The following GRM5 variants were observed in gnomAD, a reference collection of about 807,000 sequenced individuals.
The protein encoded by GRM5 is metabotropic glutamate receptor 5.
Under a neutral mutation model 83.1 loss-of-function variants are expected in GRM5, and 19 were observed. The ratio of observed to expected loss-of-function variants is 0.23; its 90% CI spans 0.16 to 0.34. The LOEUF (loss-of-function observed/expected upper bound fraction) is 0.34, where lower values mean the gene tolerates loss of function less well. Ranked by LOEUF, GRM5 falls within the 10% of genes least tolerant of loss-of-function variation. The pLI is 1.00. For missense variants in GRM5, 1,160 were observed against 1,588.3 expected (o/e 0.73, Z 4.58); for synonymous variants, 675 against 633.6 (o/e 1.07, Z -0.98).
rs1259619989 is a variant in GRM5 at position 89,060,283 on chromosome 11, T to TAC, written c.-201+5492_-201+5493insGT. ...GGTAAATGGTATATATATATATATATATACACACACACACACACACACATA... is the reference window on the plus strand; with the variant it reads ...GGTAAATGGTATATATATATATATATACATACACACACACACACACACACATA... On this transcript the variant is annotated intron_variant, in intron 1 of 9. Coordinates refer to ENST00000305447, the MANE Select transcript of GRM5 (RefSeq NM_001143831.3). 1.3e-3 allele frequency among the ~76,000 whole-genome samples: 180 copies of TAC among 142,982 alleles called. 1 individual carries two copies. Among genetic ancestry groups the TAC allele is most frequent in the African/African-American group, 3.8e-3 (141 of 37,032 alleles). 93.8% of individuals were successfully genotyped at this position (142,982 alleles called of 152,430 possible).
intron 4 of GRM5, among the ~76,000 whole-genome samples, chr11:88,640,980 G>C (rs187807676): frequency 2.7e-4 from 41 of 150,816 alleles, no homozygotes; most frequent in Non-Finnish European, 4.7e-4. Context: ...CTGTGTTGGG[G>C]GTTCTTGAAT....
chr11:88,992,432 G>T (rs529856103), intron 2 of GRM5, among the ~76,000 whole-genome samples: 60 of 152,070 alleles, frequency 3.9e-4, no homozygotes, highest in Non-Finnish European at 6.0e-4. Flanking sequence ...CTGTAAACTA[G>T]TTCAACCATT....
At chr11:88,874,173 T>TAA (rs58425219) in intron 2 of GRM5, among the ~76,000 whole-genome samples, 217 of 149,816 alleles carry the variant, frequency 1.4e-3, no homozygotes, top group East Asian at 3.5e-3. Context: ...TGAGATGATT[T>TAA]AAAAAAAAAG....
In GRM5 at chr11:88,827,701, T is replaced by A. The variant is rs140855514; in HGVS notation, c.911+22205A>T. ...AAAATCCTATCTGCTAAAATATGGA[T>A]TAAGGTTTCTTCAGCTTATTTATTT... is the stretch of plus-strand genomic sequence containing the variant. On this transcript the variant is annotated intron_variant, in intron 3 of 9. Coordinates refer to ENST00000305447, the MANE Select transcript of GRM5 (RefSeq NM_001143831.3). Among the ~76,000 whole-genome samples the A allele has an allele frequency of 3.6e-3, 551 of 152,328 alleles. 3 individuals carry two copies. Among genetic ancestry groups the A allele is most frequent in the African/African-American group, 0.013 (528 of 41,582 alleles).
At chr11:89,021,168 A>G (rs1361841726) in intron 2 of GRM5, among the ~76,000 whole-genome samples, 1 of 152,222 alleles carries the variant, frequency 6.6e-6, no homozygotes, top group Non-Finnish European at 1.5e-5. Flanking sequence ...GAAGGGATTC[A>G]GTGGATATTT....
chr11:88,997,211 C>T (rs2135061076), intron 2 of GRM5, among the ~76,000 whole-genome samples: 2 of 151,790 alleles, frequency 1.3e-5, no homozygotes, highest in Middle Eastern at 3.4e-3. Flanking sequence ...CCTGTAATCC[C>T]AGCTACTTGG....
intron 6 of GRM5, among the ~76,000 whole-genome samples, chr11:88,592,521 T>C (rs747718503): frequency 2.0e-5 from 3 of 152,150 alleles, no homozygotes; most frequent in African/African-American, 2.4e-5. Flanking sequence ...ATAAAAGCAG[T>C]TGCATTTCCC....
intron 2 of GRM5, among the ~76,000 whole-genome samples, chr11:89,035,983 C>G (rs1337718245): frequency 1.3e-5 from 2 of 151,992 alleles, no homozygotes; most frequent in African/African-American, 4.8e-5. Context: ...TTGAAATTTA[C>G]AAAGAAGTTA....
chr11:88,632,222 T>C lies in GRM5; in HGVS notation c.1147+20946A>G, dbSNP rs534981811. Among the ~76,000 whole-genome samples, 16 of 149,964 alleles carry C rather than the reference T, an allele frequency of 1.1e-4. No homozygotes were observed. The East Asian group carries it at 2.3e-3, about 22-fold the overall frequency. ...TTACTTTGCATTTTCTAAAGTTTCA[T>C]AGAGATTGAATCACACAGTATGTAC... On this transcript the variant is annotated intron_variant, in intron 4 of 9. Transcript: ENST00000305447.
At chr11:88,974,016 T>G (rs1476909837) in intron 2 of GRM5, among the ~76,000 whole-genome samples, 1 of 152,156 alleles carries the variant, frequency 6.6e-6, no homozygotes, top group Non-Finnish European at 1.5e-5. Flanking sequence ...TTCTACTATT[T>G]TATCCTCTCA....
chr11:88,631,646 A>G (rs576049083), intron 4 of GRM5, among the ~76,000 whole-genome samples: 10 of 152,302 alleles, frequency 6.6e-5, no homozygotes, highest in Admixed American at 5.9e-4. Flanking sequence ...TGAATTTAAC[A>G]TAAGTGATCA....
intron 2 of GRM5, among the ~76,000 whole-genome samples, chr11:88,930,434 T>C (rs545896509): frequency 1.3e-5 from 2 of 152,170 alleles, no homozygotes; most frequent in East Asian, 1.9e-4. Flanking sequence ...CATAAATAAG[T>C]AAGTAAATTA....
chr11:89,040,720 G>C (rs1941511180), intron 2 of GRM5, among the ~76,000 whole-genome samples: 1 of 151,532 alleles, frequency 6.6e-6, no homozygotes. Flanking sequence ...AAAAGAGAGA[G>C]AGAAAGGGAG....
intron 2 of GRM5, among the ~76,000 whole-genome samples, chr11:89,037,043 T>A (rs1321703890): frequency 6.6e-6 from 1 of 152,086 alleles, no homozygotes; most frequent in Non-Finnish European, 1.5e-5. Context: ...TTTATATATT[T>A]AAACTTGTGG....
At chr11:88,753,420 T>C (rs1591489932) in intron 3 of GRM5, among the ~76,000 whole-genome samples, 2 of 152,024 alleles carry the variant, frequency 1.3e-5, no homozygotes, top group Non-Finnish European at 2.9e-5. Flanking sequence ...CACCAGTCAG[T>C]ATGGTGATTA....
chr11:88,521,660 G>T (rs535358584), intron 9 of GRM5, among the ~76,000 whole-genome samples: 13 of 151,996 alleles, frequency 8.6e-5, no homozygotes, highest in African/African-American at 2.9e-4. Context: ...CACTTAGACT[G>T]TCCACTGTGA....
chr11:88,651,338 C>G (rs751138207), intron 4 of GRM5, among the ~76,000 whole-genome samples: 3 of 151,800 alleles, frequency 2.0e-5, no homozygotes, highest in Non-Finnish European at 4.4e-5. Context: ...GGAAAAATTC[C>G]CTTAAATATA....
At position 88,618,605 on chromosome 11, in the gene GRM5, C is replaced by CAAA. The variant is rs34947093; in HGVS notation, c.1148-13644_1148-13642dup. 3.6e-3 allele frequency among the ~76,000 whole-genome samples: 466 copies of CAAA among 129,584 alleles called. 3 individuals carry two copies. The highest frequency in any genetic ancestry group is 0.011 in the African/African-American group (414 of 37,324). 85.0% of individuals were successfully genotyped at this position (129,584 alleles called of 152,430 possible). On this transcript the variant is annotated intron_variant, in intron 4 of 9. Transcript: ENST00000305447. ...CATAAGTAAGATGAATCTGTGTCCT[C>CAAA]AAAAAAAAAAAAACGATTCAACATA...
At chr11:88,515,781 A>G (rs1164238942) in intron 9 of GRM5, among the ~76,000 whole-genome samples, 2 of 152,218 alleles carry the variant, frequency 1.3e-5, no homozygotes, top group East Asian at 3.8e-4. Flanking sequence ...AATTTAGTAA[A>G]TAGAGAACAA....
Sources: allele counts gnomAD v4.1 joint callset (sites outside exome capture counted in the v4.1 genomes callset), GRCh38; gene constraint gnomAD v4.1.1; transcripts MANE v1.5; gene names NCBI Gene and HGNC (gene_info 2026-07-23, HGNC 2026-07-21).